MMD: variants seen among roughly 807,000 people sequenced by gnomAD.
MMD encodes the protein monocyte to macrophage differentiation factor.
Under a neutral mutation model 33.6 loss-of-function variants are expected in MMD, and 22 were observed. The ratio of observed to expected loss-of-function variants is 0.66; its 90% CI spans 0.47 to 0.94. The LOEUF (loss-of-function observed/expected upper bound fraction) is 0.94. Ranked by LOEUF, MMD falls within the 40% of genes least tolerant of loss-of-function variation. MMD has a pLI of 0.00. For missense variants in MMD, 242 were observed against 309.8 expected (o/e 0.78, Z 1.64); for synonymous variants, 97 against 103.2 (o/e 0.94, Z 0.36).
At chr17:55,407,630 G>A in intron 4 of MMD, 116 bp downstream of exon 4, 1 of 837,310 alleles carries the variant, frequency 1.2e-6, no homozygotes, top group Non-Finnish European at 1.9e-6. Flanking sequence ...CAGGAGGAGG[G>A]AAGGTGGTGT....
chr17:55,410,471 A>G (rs534047425), intron 3 of MMD, among the ~76,000 whole-genome samples: 1 of 152,326 alleles, frequency 6.6e-6, no homozygotes, highest in East Asian at 1.9e-4. Context: ...TTCACAAGCA[A>G]ACCATTCCCA....
chr17:55,413,240 A>G (rs1335008393), intron 2 of MMD, among the ~76,000 whole-genome samples: 1 of 152,206 alleles, frequency 6.6e-6, no homozygotes, highest in East Asian at 1.9e-4. Flanking sequence ...CCTGTTCCAA[A>G]CACTCATTGT....
rs980199054 is a variant in MMD, at chr17:55,407,645, A to T, written c.344+101T>A. ...CAGGAGGAGGGAAGGTGGTGTACAC[A>T]TGAGGGCTGAGGGTGGGGACAAGAG... On this transcript the variant is annotated intron_variant, in intron 4 of 6. Transcript: ENST00000262065. The T allele has an allele frequency of 2.4e-5, 25 of 1,045,634 alleles. 1 individual carries two copies. The Admixed American group carries it at 4.5e-4, about 19-fold the overall frequency. The allele number at this position is 1,045,634 out of a possible 1,614,324, so 64.8% of individuals were successfully genotyped here.
At chr17:55,407,875 C>T (rs551232180) in intron 3 of MMD, 55 bp from the exon 4 acceptor site, 32 of 1,238,338 alleles carry the variant, frequency 2.6e-5, no homozygotes, top group South Asian at 2.3e-4. Flanking sequence ...ATGGGAAGTA[C>T]GGGTTATCAC....
chr17:55,397,159 GTTTA>G (rs56859699), intron 6 of MMD, among the ~76,000 whole-genome samples: 1 of 151,832 alleles, frequency 6.6e-6, no homozygotes, highest in Non-Finnish European at 1.5e-5. Context: ...AGCAATCCTG[GTTTA>G]TTTATTTATT....
At chr17:55,420,833 T>G (rs1381051738) in intron 1 of MMD, among the ~76,000 whole-genome samples, 1 of 152,196 alleles carries the variant, frequency 6.6e-6, no homozygotes, top group Non-Finnish European at 1.5e-5. Context: ...AGTCATGGGC[T>G]AACCTCCATC....
At chr17:55,398,422 C>T (rs967367719) in intron 6 of MMD, among the ~76,000 whole-genome samples, 1 of 151,844 alleles carries the variant, frequency 6.6e-6, no homozygotes, top group African/African-American at 2.4e-5. Flanking sequence ...TTTAAACTCC[C>T]TGTGTGTGAA....
intron 6 of MMD, among the ~76,000 whole-genome samples, chr17:55,399,118 G>A (rs183061303): frequency 4.6e-5 from 7 of 152,222 alleles, no homozygotes; most frequent in African/African-American, 1.7e-4. Context: ...GCTGTTCTCT[G>A]GGCTTTACCT....
At chr17:55,417,509 G>A (rs1476186825) in intron 1 of MMD, among the ~76,000 whole-genome samples, 1 of 152,034 alleles carries the variant, frequency 6.6e-6, no homozygotes, top group African/African-American at 2.4e-5. Context: ...ACAGATGAGG[G>A]GCTGGGCATG....
At chr17:55,415,271 G>A (rs532802450) in intron 1 of MMD, among the ~76,000 whole-genome samples, 2 of 149,958 alleles carry the variant, frequency 1.3e-5, no homozygotes, top group East Asian at 2.0e-4. Context: ...AGAAACAGAC[G>A]GACGTAAAAA....
chr17:55,414,358 G>A (rs904724812), intron 1 of MMD, 126 bp from the exon 2 acceptor site: 19 of 833,536 alleles, frequency 2.3e-5, no homozygotes, highest in Non-Finnish European at 3.1e-5. Flanking sequence ...CCCAGTTGCG[G>A]TAATAAAGCC....
At position 55,411,283 on chromosome 17, in the gene MMD, A is replaced by C. The variant is rs780435164; in HGVS notation, c.243T>G (p.Ile81Met). The C allele has an allele frequency of 6.2e-7, 1 of 1,613,296 alleles. No homozygotes were observed. Residue 81 changes from isoleucine (I) to methionine (M), a missense_variant, in exon 3 of 7, where the codon ATT becomes ATG. By Grantham distance (10) the Ile-to-Met change is conservative. Transcript: ENST00000262065. ...TTAAGTGGCTCTTTTTCCATGATAC[A>C]ATGTGAAATACTGTAGAAACGATGA... Reference protein sequence around the residue: ...ALFIVSTVFHIVSWKKSHLRT... With the variant: ...ALFIVSTVFHMVSWKKSHLRT...
At chr17:55,420,423 G>C (rs1908134927) in intron 1 of MMD, 2 of 152,148 alleles carry the variant, frequency 1.3e-5, no homozygotes, top group Admixed American at 1.3e-4. Context: ...CACCCTGACT[G>C]ATAAGCAATA....
At chr17:55,406,867 C>G (rs896929598) in intron 4 of MMD, among the ~76,000 whole-genome samples, 1 of 151,640 alleles carries the variant, frequency 6.6e-6, no homozygotes, top group African/African-American at 2.4e-5. Flanking sequence ...CCGTCTCCCC[C>G]CAAAAATACA....
At position 55,400,481 on chromosome 17, in the gene MMD, G is replaced by A. The variant is rs546833869; in HGVS notation, c.516+988C>T. 7.4e-4 allele frequency among the ~76,000 whole-genome samples: 112 copies of A among 151,966 alleles called. 3 individuals carry two copies. The South Asian group carries it at 0.023, about 31-fold the overall frequency. On this transcript the variant is annotated intron_variant, in intron 6 of 6. Coordinates refer to ENST00000262065, the MANE Select transcript of MMD (RefSeq NM_012329.3). ...GGAGAATCACTTGAACTCAGGAGGC[G>A]GAGGTTGCAGTGAGCCAAGATCGCT...
At chr17:55,404,804 G>A (rs1907479345) in intron 4 of MMD, 1 of 976,832 alleles carries the variant, frequency 1.0e-6, no homozygotes, top group Admixed American at 6.1e-5. Context: ...GCTCACACCT[G>A]TAATCCCAGA....
chr17:55,418,905 G>A (rs1246172165), intron 1 of MMD, among the ~76,000 whole-genome samples: 1 of 152,190 alleles, frequency 6.6e-6, no homozygotes, highest in Non-Finnish European at 1.5e-5. Flanking sequence ...TTGCAAGACT[G>A]TTGAAATGAG....
chr17:55,401,352 T>C (rs917651305), intron 6 of MMD, 117 bp downstream of exon 6: 1 of 854,896 alleles, frequency 1.2e-6, no homozygotes, highest in East Asian at 2.8e-5. Flanking sequence ...CTTTTTCTTT[T>C]GAGCCTCTAT....
At position 55,421,670 on chromosome 17, in the gene MMD, C is replaced by G; in HGVS notation, c.26G>C (p.Arg9Pro). The change falls in exon 1 of 7, where the codon CGG becomes CCG. Residue 9 changes from arginine (R) to proline (P), a missense_variant and splice_region_variant. Physicochemically the swap from Arg to Pro is moderately radical, Grantham distance 103. Transcript: ENST00000262065. ...GGGACCGGGACGCCATCCCTCTCAC[C>G]GCTGGAATCGATTCTTGAACCGCAT... MRFKNRFQ[R>P]FMNHRAPANG... 10 of 1,598,222 alleles carry G rather than the reference C, an allele frequency of 6.3e-6. No homozygotes were observed. The highest frequency in any genetic ancestry group is 7.7e-6 in the Non-Finnish European group (9 of 1,173,176).
Sources: allele counts gnomAD v4.1 joint callset (sites outside exome capture counted in the v4.1 genomes callset), GRCh38; gene constraint gnomAD v4.1.1; transcripts MANE v1.5; gene names NCBI Gene and HGNC (gene_info 2026-07-23, HGNC 2026-07-21).